Variants in TPM1 observed in about 807,000 individuals in gnomAD.
The protein encoded by TPM1 is tropomyosin alpha-1 chain.
Under a neutral mutation model 42.9 loss-of-function variants are expected in TPM1, and 24 were observed. The ratio of observed to expected loss-of-function variants is 0.56; its 90% CI spans 0.41 to 0.79. TPM1 has a LOEUF of 0.79. TPM1 is among the 30% of genes least tolerant of loss of function. TPM1 has a pLI of 0.00. For missense variants in TPM1, 158 were observed against 351.8 expected, an observed-to-expected ratio of 0.45 and a Z score of 4.41; for synonymous variants, 136 against 130.1, an observed-to-expected ratio of 1.05 and a Z score of -0.31.
chr15:63,043,854 C>A, intron 1 of TPM1, 173 bp from the exon 2 acceptor site: 1 of 1,548,988 alleles, frequency 6.5e-7, no homozygotes, highest in Non-Finnish European at 8.7e-7. Context: ...CGCGGCACGG[C>A]GTGGCGCACG....
chr15:63,060,194 G>A (rs1596374868), intron 4 of TPM1, among the ~76,000 whole-genome samples: 1 of 152,180 alleles, frequency 6.6e-6, no homozygotes, highest in African/African-American at 2.4e-5. Context: ...ACAGCCTCCT[G>A]TGATAAGAGG....
intron 5 of TPM1, chr15:63,061,222 A>G (rs765013065): frequency 4.3e-6 from 7 of 1,614,128 alleles, no homozygotes; most frequent in African/African-American, 4.0e-5. Flanking sequence ...TGGAAGAACA[A>G]TTAAGAATAA....
chr15:63,060,143 G>A (rs193280347), intron 4 of TPM1, among the ~76,000 whole-genome samples: 11 of 152,264 alleles, frequency 7.2e-5, no homozygotes, highest in Admixed American at 6.5e-4. Flanking sequence ...TATCAACGCA[G>A]GTTTTCAGCA....
At chr15:63,056,615 T>C (rs2034835385) in intron 2 of TPM1, 1 of 309,964 alleles carries the variant, frequency 3.2e-6, no homozygotes, top group African/African-American at 2.2e-5. Context: ...TGCAGTGAGC[T>C]GAGATCGTGC....
At chr15:63,070,254 C>G, downstream of TPM1, 1 of 1,163,872 alleles carries the variant, frequency 8.6e-7, no homozygotes, top group Non-Finnish European at 1.1e-6. Flanking sequence ...AAAATGTTTT[C>G]TATTTCCTGA....
intron 2 of TPM1, 37 bp from the exon 3 acceptor site, chr15:63,056,948 C>T (rs925899977): frequency 1.2e-5 from 19 of 1,613,892 alleles, no homozygotes; most frequent in Non-Finnish European, 1.6e-5. Context: ...CCCTCACTTT[C>T]TCCCCAACTC....
intron 3 of TPM1, 100 bp downstream of exon 3, chr15:63,057,218 C>T: frequency 6.5e-7 from 1 of 1,527,644 alleles, no homozygotes; most frequent in Non-Finnish European, 8.9e-7. Flanking sequence ...TTTCAGTCCC[C>T]TGGTGGTGGG....
intron 1 of TPM1, 128 bp from the exon 2 acceptor site, chr15:63,043,899 C>T (rs993688505): frequency 1.9e-6 from 3 of 1,551,848 alleles, no homozygotes; most frequent in African/African-American, 1.4e-5. Flanking sequence ...TCTCTCCCTC[C>T]CTGTCTTTCC....
chr15:63,069,432 G>A (rs1051766293), downstream of TPM1, among the ~76,000 whole-genome samples: 2 of 152,148 alleles, frequency 1.3e-5, no homozygotes, highest in Non-Finnish European at 2.9e-5. Context: ...GGCAGCACTG[G>A]GCAGGTTGAT....
intron 8 of TPM1, 126 bp from the exon 9 acceptor site, chr15:63,063,938 C>A (rs2035977611): frequency 3.5e-5 from 49 of 1,402,298 alleles, no homozygotes; most frequent in Non-Finnish European, 4.6e-5. Flanking sequence ...GCGGCACCAA[C>A]CCCTTCATGC....
intron 9 of TPM1, chr15:63,064,556 ATT>A (rs2036057143): frequency 9.5e-7 from 1 of 1,054,674 alleles, no homozygotes; most frequent in African/African-American, 1.7e-5. Flanking sequence ...GTTAAATATA[ATT>A]TGAAGGAACC....
rs62013182 is a variant in TPM1, at chr15:63,048,370, C to T, written c.240+4218C>T. 28,671 of 1,313,556 alleles carry T rather than the reference C, an allele frequency of 0.022. 395 individuals carry two copies. The highest frequency in any genetic ancestry group is 0.025 in the Non-Finnish European group (25,656 of 1,029,226). The allele number at this position is 1,313,556 out of a possible 1,614,324, so 81.4% of individuals were successfully genotyped here. A position where few individuals can be genotyped will look rare whatever the true frequency, so the allele number is the denominator to read the frequency against. On this transcript the variant is annotated intron_variant, in intron 2 of 9. Coordinates refer to ENST00000403994, the MANE Select transcript of TPM1 (RefSeq NM_001018005.2). ...ACGGCGCGCGCCCCTCCCAGCCGCG[C>T]GCGCCCGCCTGCGGTTTGTCTGCGC...
chr15:63,070,770 G>A, downstream of TPM1: 1 of 1,179,752 alleles, frequency 8.5e-7, no homozygotes, highest in East Asian at 5.6e-5. Flanking sequence ...AGCTGTATTT[G>A]GTTTTTACCT....
chr15:63,059,504 T>TGTGCATTTGGGAAGTTCA, intron 3 of TPM1, 59 bp from the exon 4 acceptor site: 2 of 1,341,498 alleles, frequency 1.5e-6, no homozygotes, highest in Non-Finnish European at 2.1e-6. Context: ...AGCAGTGCAG[T>TGTGCATTTGGGAAGTTCA]GTGCATTTGG....
rs1344686122 is a variant in TPM1 at position 63,062,359 on chromosome 15, A to G, written c.702+82A>G. On this transcript the variant is annotated intron_variant, in intron 7 of 9. Coordinates refer to ENST00000403994, the MANE Select transcript of TPM1 (RefSeq NM_001018005.2). ...GAACCGGTCAGGGCCTTTTCATTTT[A>G]AAGTTCCAATGATCCAAGTCAGGAA... is the stretch of plus-strand genomic sequence containing the variant. 3.4e-6 allele frequency: 5 copies of G among 1,453,720 alleles called. No homozygotes were observed. In the South Asian group the frequency reaches 4.6e-5, roughly 13 times the overall value. 90.1% of individuals were successfully genotyped at this position (1,453,720 alleles called of 1,614,324 possible). A position where few individuals can be genotyped will look rare whatever the true frequency, so the allele number is the denominator to read the frequency against.
In TPM1 at chr15:63,062,603, A is replaced by C; in HGVS notation, c.730A>C (p.Arg244=). The change falls in exon 8 of 10, where the codon AGG becomes CGG. Residue 244 remains arginine (R), a synonymous_variant. Transcript: ENST00000403994. The part of the protein sequence containing the change: ...EAETRAEFAE[R]SVTKLEKSID... ...TGAGACTCGGGCTGAGTTTGCGGAG[A>C]GGTCAGTAACTAAATTGGAGAAAAG... The C allele has an allele frequency of 6.2e-7, 1 of 1,614,210 alleles. No individual in the cohort carries two copies. The highest frequency in any genetic ancestry group is 2.2e-5 in the East Asian group (1 of 44,884).
chr15:63,048,015 G>A (rs1229735094), intron 2 of TPM1: 1 of 313,164 alleles, frequency 3.2e-6, no homozygotes. Flanking sequence ...TAGTGCTTGG[G>A]TTATAATCTT....
downstream of TPM1, chr15:63,069,771 G>C: frequency 6.8e-7 from 1 of 1,467,686 alleles, no homozygotes; most frequent in Non-Finnish European, 9.5e-7. Context: ...TGTCCTGCTT[G>C]AGGTCTCTTT....
chr15:63,048,651 G>T (rs1169761823), intron 2 of TPM1: 5 of 1,538,992 alleles, frequency 3.2e-6, no homozygotes, highest in African/African-American at 2.8e-5. Context: ...CGCCGCTGAG[G>T]AGCGCGCGGG....
Sources: gnomAD v4.1 joint callset for allele counts (sites outside exome capture counted in the v4.1 genomes callset) on GRCh38, gnomAD v4.1.1 for gene constraint, MANE v1.5 for transcripts, NCBI Gene and HGNC (gene_info 2026-07-23, HGNC 2026-07-21) for gene names.